Variants in HS3ST5 observed in about 807,000 individuals in gnomAD.
The protein encoded by HS3ST5 is heparan sulfate glucosamine 3-O-sulfotransferase 5.
Under a neutral mutation model 25.4 loss-of-function variants are expected in HS3ST5, and 10 were observed. The ratio of observed to expected loss-of-function variants is 0.39; its 90% CI spans 0.24 to 0.67. The LOEUF (loss-of-function observed/expected upper bound fraction) is 0.67. HS3ST5 is among the 30% of genes least tolerant of loss of function. The pLI, the probability that HS3ST5 is intolerant of heterozygous loss-of-function variation, is 0.44. For synonymous variants in HS3ST5, 170 were observed against 162.4 expected (o/e 1.05, Z -0.36); for missense variants, 324 against 420.7 (o/e 0.77, Z 2.01).
At chr6:114,271,961 G>A (rs1773654464) in intron 1 of HS3ST5, among the ~76,000 whole-genome samples, 1 of 152,032 alleles carries the variant, frequency 6.6e-6, no homozygotes, top group African/African-American at 2.4e-5. Context: ...CAATATATTA[G>A]CAAAGCAGAA....
At chr6:114,179,735 C>T (rs567553078) in intron 2 of HS3ST5, among the ~76,000 whole-genome samples, 22 of 141,522 alleles carry the variant, frequency 1.6e-4, no homozygotes, top group African/African-American at 4.5e-4. Flanking sequence ...CACACAAACA[C>T]AAGTTCAAGT....
chr6:114,239,445 T>G (rs1772002041), intron 1 of HS3ST5, among the ~76,000 whole-genome samples: 1 of 152,140 alleles, frequency 6.6e-6, no homozygotes, highest in African/African-American at 2.4e-5. Context: ...CCCCTAATCT[T>G]GAAATTGTGA....
At position 114,216,009 on chromosome 6, in the gene HS3ST5, A is replaced by G. The variant is rs543968101; in HGVS notation, c.-145+12576T>C. On this transcript the variant is annotated intron_variant, in intron 2 of 4. Transcript: ENST00000312719. ...TCTGATCTTTCACAAAGATTCAGAA[A>G]TACCATCTGACAGGATCAAGGACAA... Among the ~76,000 whole-genome samples the G allele has an allele frequency of 1.6e-4, 24 of 152,344 alleles. No homozygotes were observed. The South Asian group carries it at 4.6e-3, about 29-fold the overall frequency.
intron 2 of HS3ST5, among the ~76,000 whole-genome samples, chr6:114,217,617 G>A (rs1007599850): frequency 6.6e-6 from 1 of 152,178 alleles, no homozygotes; most frequent in Non-Finnish European, 1.5e-5. Context: ...TTACAATGTA[G>A]TTTACAATGT....
At chr6:114,232,862 CCAGTATATTTTCCA>C (rs1213956221) in intron 1 of HS3ST5, among the ~76,000 whole-genome samples, 1 of 152,112 alleles carries the variant, frequency 6.6e-6, no homozygotes, top group Non-Finnish European at 1.5e-5. Flanking sequence ...CTGTTTCCCT[CCAGTATATTTTCCA>C]CATGGCATCT....
intron 2 of HS3ST5, among the ~76,000 whole-genome samples, chr6:114,207,713 A>T (rs908851669): frequency 6.6e-6 from 1 of 152,078 alleles, no homozygotes; most frequent in Non-Finnish European, 1.5e-5. Flanking sequence ...ATGAAAAAAA[A>T]TCTTGGTGAT....
chr6:114,284,376 T>C (rs1172080732), intron 1 of HS3ST5, among the ~76,000 whole-genome samples: 1 of 152,014 alleles, frequency 6.6e-6, no homozygotes, highest in Non-Finnish European at 1.5e-5. Context: ...TTAAACTTTT[T>C]TTGTGTGAGT....
At chr6:114,077,738 C>A (rs1264006306) in intron 3 of HS3ST5, among the ~76,000 whole-genome samples, 1 of 152,246 alleles carries the variant, frequency 6.6e-6, no homozygotes, top group East Asian at 1.9e-4. Context: ...GTATTCACTA[C>A]CAGACAGAAA....
chr6:114,165,983 C>G (rs931944571), intron 3 of HS3ST5, among the ~76,000 whole-genome samples: 9 of 151,858 alleles, frequency 5.9e-5, no homozygotes, highest in Non-Finnish European at 1.5e-5. Context: ...GAGTTCAAGA[C>G]CATCCTGGGT....
At chr6:114,140,237 G>A (rs565268768) in intron 3 of HS3ST5, among the ~76,000 whole-genome samples, 32 of 152,178 alleles carry the variant, frequency 2.1e-4, no homozygotes, top group African/African-American at 7.0e-4. Flanking sequence ...AAAGAGTTTG[G>A]CAATATTAGA....
chr6:114,190,958 G>C (rs1780473521), intron 2 of HS3ST5, among the ~76,000 whole-genome samples: 2 of 152,118 alleles, frequency 1.3e-5, no homozygotes, highest in Admixed American at 1.3e-4. Context: ...TAGATTATTG[G>C]GGGGTGAAGG....
chr6:114,114,962 G>A (rs1776448293), intron 3 of HS3ST5, among the ~76,000 whole-genome samples: 1 of 152,072 alleles, frequency 6.6e-6, no homozygotes, highest in African/African-American at 2.4e-5. Flanking sequence ...TAAATGCAAG[G>A]ACAGTGTTCA....
chr6:114,294,215 G>C (rs1036688356), intron 1 of HS3ST5, among the ~76,000 whole-genome samples: 1 of 152,118 alleles, frequency 6.6e-6, no homozygotes, highest in African/African-American at 2.4e-5. Context: ...TGATGCATTG[G>C]AAGCAGAAAA....
chr6:114,256,380 T>C (rs1582764100), intron 1 of HS3ST5, among the ~76,000 whole-genome samples: 2 of 139,656 alleles, frequency 1.4e-5, no homozygotes, highest in South Asian at 2.4e-4. Context: ...AGAGCAAGAC[T>C]CCCTCTCAAA....
At chr6:114,226,087 G>A (rs1019125518) in intron 2 of HS3ST5, among the ~76,000 whole-genome samples, 17 of 151,906 alleles carry the variant, frequency 1.1e-4, no homozygotes, top group African/African-American at 2.4e-4. Flanking sequence ...GAAACTAAAC[G>A]TATGTTACAC....
chr6:114,323,414 G>T (rs1012366641), intron 1 of HS3ST5, among the ~76,000 whole-genome samples: 1 of 152,018 alleles, frequency 6.6e-6, no homozygotes, highest in Non-Finnish European at 1.5e-5. Context: ...ATAGTACAAG[G>T]GTGCTTACAT....
intron 2 of HS3ST5, among the ~76,000 whole-genome samples, chr6:114,172,401 T>A (rs1477381388): frequency 6.6e-6 from 1 of 152,240 alleles, no homozygotes; most frequent in African/African-American, 2.4e-5. Flanking sequence ...TCAAAGCCAA[T>A]TATCTATTGA....
At chr6:114,092,188 G>T (rs1775154805) in intron 3 of HS3ST5, among the ~76,000 whole-genome samples, 1 of 152,194 alleles carries the variant, frequency 6.6e-6, no homozygotes, top group South Asian at 2.1e-4. Flanking sequence ...CCATTTTTAA[G>T]ATGACAGTGC....
Position 114,062,741 on chromosome 6 carries a change from A to G in HS3ST5, c.105T>C (p.Asp35=), listed in dbSNP as rs1394578292. 2 of 1,609,682 alleles carry G rather than the reference A, an allele frequency of 1.2e-6. No homozygotes were observed. Among genetic ancestry groups the G allele is most frequent in the South Asian group, 2.2e-5 (2 of 90,972 alleles). ...AAGCATGTGTTTTAAGCACCCACCT[A>G]TCCAAGCTCCCAACTCTGGCGACTA... ...LYLVARVGSL[D]RLQPICPIEG... The change falls in exon 4 of 5, where the codon GAT becomes GAC. Residue 35 remains aspartate, a splice_region_variant and synonymous_variant. Transcript: ENST00000312719.
Sources: allele counts gnomAD v4.1 joint callset (sites outside exome capture counted in the v4.1 genomes callset), GRCh38; gene constraint gnomAD v4.1.1; transcripts MANE v1.5; gene names NCBI Gene and HGNC (gene_info 2026-07-23, HGNC 2026-07-21).